KCNIP4: variants seen among roughly 807,000 people sequenced by gnomAD.
KCNIP4 encodes Kv channel-interacting protein 4.
KCNIP4 carries 12 observed loss-of-function variants against 34.0 expected under a neutral mutation model. The ratio of observed to expected loss-of-function variants is 0.35; its 90% CI spans 0.23 to 0.57. The LOEUF is 0.57. Ranked by LOEUF, KCNIP4 falls within the 20% of genes least tolerant of loss-of-function variation. The probability of loss-of-function intolerance (pLI) is 0.83; values close to 1 mark genes in which losing one functional copy is unlikely to be tolerated. For synonymous variants in KCNIP4, 124 were observed against 102.2 expected (o/e 1.21, Z -1.29); for missense variants, 238 against 311.7 (o/e 0.76, Z 1.78).
intron 1 of KCNIP4, among the ~76,000 whole-genome samples, chr4:21,182,218 T>G (rs1448456669): frequency 6.6e-6 from 1 of 152,076 alleles, no homozygotes. Flanking sequence ...GAAACAATAG[T>G]GAAGCTATGA....
At chr4:21,829,259 TA>T (rs946201260) in intron 1 of KCNIP4, among the ~76,000 whole-genome samples, 2 of 151,716 alleles carry the variant, frequency 1.3e-5, no homozygotes, top group African/African-American at 4.8e-5. Flanking sequence ...CATTGTAAAG[TA>T]AAAAAAATCA....
chr4:21,652,298 C>T (rs1747555117), intron 1 of KCNIP4, among the ~76,000 whole-genome samples: 1 of 152,158 alleles, frequency 6.6e-6, no homozygotes, highest in Admixed American at 6.5e-5. Flanking sequence ...CTAGCAGAAC[C>T]TGGATTCTGT....
At chr4:21,742,647 G>C (rs930790695) in intron 1 of KCNIP4, among the ~76,000 whole-genome samples, 5 of 152,120 alleles carry the variant, frequency 3.3e-5, no homozygotes, top group Non-Finnish European at 5.9e-5. Context: ...CAAGTTAATG[G>C]TATGTATATG....
In KCNIP4 at chr4:21,139,644, C is replaced by T. The variant is rs151336057; in HGVS notation, c.62-256935G>A. Among the ~76,000 whole-genome samples, 467 of 152,290 alleles carry T rather than the reference C, an allele frequency of 3.1e-3. 3 individuals are homozygous for T. Among genetic ancestry groups the T allele is most frequent in the African/African-American group, 0.011 (450 of 41,570 alleles). Reference sequence around the variant, plus strand: ...TCAACTCAGGACAACCCTAAAGGAACGTTCTAGCCTTAGCACTGCCCCTGG... The same window carrying T: ...TCAACTCAGGACAACCCTAAAGGAATGTTCTAGCCTTAGCACTGCCCCTGG... On this transcript the variant is annotated intron_variant, in intron 1 of 8. Coordinates refer to ENST00000382152, the MANE Select transcript of KCNIP4 (RefSeq NM_025221.6).
In KCNIP4 at chr4:20,823,404, T is replaced by G. The variant is rs116352464; in HGVS notation, c.288+27139A>C. Among the ~76,000 whole-genome samples the G allele has an allele frequency of 2.2e-3, 336 of 152,292 alleles. 2 individuals are homozygous for G. Among genetic ancestry groups the G allele is most frequent in the Middle Eastern group, 6.8e-3 (2 of 294 alleles). On this transcript the variant is annotated intron_variant, in intron 3 of 8. Transcript: ENST00000382152. The stretch of plus-strand genomic sequence containing the variant: ...ATAGCGTTGCTATTTATGATGATCA[T>G]GTTATGGAGTGAATGAGTGTGTGTG...
intron 1 of KCNIP4, among the ~76,000 whole-genome samples, chr4:21,302,938 T>G (rs1711915097): frequency 6.6e-6 from 1 of 152,112 alleles, no homozygotes; most frequent in Non-Finnish European, 1.5e-5. Flanking sequence ...TATCTAAACA[T>G]AACTACGTCA....
chr4:21,773,010 A>C (rs1412952088), intron 1 of KCNIP4, among the ~76,000 whole-genome samples: 1 of 152,046 alleles, frequency 6.6e-6, no homozygotes, highest in East Asian at 1.9e-4. Flanking sequence ...TTGGGATGTT[A>C]GCGTGTCAAT....
At chr4:21,783,028 TAATGATA>T (rs1719669093) in intron 1 of KCNIP4, among the ~76,000 whole-genome samples, 1 of 152,062 alleles carries the variant, frequency 6.6e-6, no homozygotes, top group African/African-American at 2.4e-5. Flanking sequence ...GAGGTGGAGG[TAATGATA>T]AATGGGTAGA....
intron 1 of KCNIP4, among the ~76,000 whole-genome samples, chr4:21,779,968 A>C (rs1003917317): frequency 2.6e-5 from 4 of 151,916 alleles, no homozygotes; most frequent in Non-Finnish European, 4.4e-5. Context: ...TTGAAAAATG[A>C]GGTCTGCAAG....
At position 21,487,223 on chromosome 4, in the gene KCNIP4, T is replaced by C. The variant is rs76544065; in HGVS notation, c.61+461348A>G. Among the ~76,000 whole-genome samples the C allele has an allele frequency of 4.4e-3, 671 of 152,326 alleles. 3 individuals are homozygous for C. The highest frequency in any genetic ancestry group is 0.015 in the African/African-American group (636 of 41,574). ...CTTAAGCTCTTCTTGGCTGTTAGCT[T>C]TCTCAGACTTTTTTTGTTTTTTGAG... On this transcript the variant is annotated intron_variant, in intron 1 of 8. Coordinates refer to ENST00000382152, the MANE Select transcript of KCNIP4 (RefSeq NM_025221.6).
chr4:20,929,925 T>C (rs1730284657), intron 1 of KCNIP4, among the ~76,000 whole-genome samples: 1 of 151,958 alleles, frequency 6.6e-6, no homozygotes, highest in Non-Finnish European at 1.5e-5. Context: ...AATTTAACAA[T>C]GTTAAAATGT....
chr4:21,560,668 A>G (rs899344793), intron 1 of KCNIP4, among the ~76,000 whole-genome samples: 7 of 152,212 alleles, frequency 4.6e-5, no homozygotes, highest in Non-Finnish European at 7.4e-5. Context: ...ATGATAAAGT[A>G]CCACCTCACA....
At chr4:21,396,698 C>A (rs1054994516) in intron 1 of KCNIP4, among the ~76,000 whole-genome samples, 1 of 151,758 alleles carries the variant, frequency 6.6e-6, no homozygotes, top group Non-Finnish European at 1.5e-5. Flanking sequence ...ATGACTCTTA[C>A]AAGAAAACAA....
rs573159209 is a variant in KCNIP4 at position 21,501,005 on chromosome 4, T to G, written c.61+447566A>C. Among the ~76,000 whole-genome samples, 6 of 152,158 alleles carry G rather than the reference T, an allele frequency of 3.9e-5. No homozygotes were observed. In the East Asian group the frequency reaches 9.7e-4, roughly 25 times the overall value. On this transcript the variant is annotated intron_variant, in intron 1 of 8. Coordinates refer to ENST00000382152, the MANE Select transcript of KCNIP4 (RefSeq NM_025221.6). ...AATAAAAGGTGCTTTTAAGACACTT[T>G]TTTGGGAACAGTAGCATAAATTTAG...
chr4:21,154,027 T>G (rs1232666054), intron 1 of KCNIP4, among the ~76,000 whole-genome samples: 1 of 152,124 alleles, frequency 6.6e-6, no homozygotes, highest in Non-Finnish European at 1.5e-5. Context: ...TTGACTGGCT[T>G]GCAGTACAAA....
chr4:21,754,539 G>C (rs1191914376), intron 1 of KCNIP4, among the ~76,000 whole-genome samples: 1 of 152,134 alleles, frequency 6.6e-6, no homozygotes, highest in African/African-American at 2.4e-5. Flanking sequence ...CACTTAAGGA[G>C]GATAAGAAAT....
chr4:21,423,444 A>AT (rs1291469692), intron 1 of KCNIP4, among the ~76,000 whole-genome samples: 3 of 152,290 alleles, frequency 2.0e-5, no homozygotes, highest in African/African-American at 7.2e-5. Context: ...GATAAGGCTC[A>AT]TTTTTTTCCA....
intron 1 of KCNIP4, among the ~76,000 whole-genome samples, chr4:21,376,760 A>G (rs934298214): frequency 6.6e-6 from 1 of 152,222 alleles, no homozygotes; most frequent in Admixed American, 6.5e-5. Context: ...AAGACCAGGC[A>G]CACAGGGGAC....
intron 1 of KCNIP4, among the ~76,000 whole-genome samples, chr4:21,886,842 C>T (rs987295820): frequency 1.3e-5 from 2 of 151,878 alleles, no homozygotes; most frequent in Non-Finnish European, 2.9e-5. Context: ...TTTCATTTTT[C>T]TTCATTTTAA....
Sources: gnomAD v4.1 joint callset for allele counts (sites outside exome capture counted in the v4.1 genomes callset) on GRCh38, gnomAD v4.1.1 for gene constraint, MANE v1.5 for transcripts, NCBI Gene and HGNC (gene_info 2026-07-23, HGNC 2026-07-21) for gene names.